The following MBNL1 variants were observed in gnomAD, a reference collection of about 807,000 sequenced individuals.
MBNL1 encodes the protein muscleblind-like protein 1.
A neutral mutation model predicts 42.2 loss-of-function variants in MBNL1; 8 were observed. That is an observed-to-expected ratio of 0.19 (90% confidence interval 0.11 to 0.34). MBNL1 has a LOEUF of 0.34. Among genes scored for constraint, MBNL1 ranks in the 10% least tolerant of loss-of-function variants. The probability of loss-of-function intolerance (pLI) is 1.00; values close to 1 mark genes in which losing one functional copy is unlikely to be tolerated. For synonymous variants in MBNL1, 169 were observed against 173.9 expected (o/e 0.97, Z 0.22); for missense variants, 309 against 495.3 (o/e 0.62, Z 3.57).
chr3:152,399,581 T>C (rs1037283906), intron 2 of MBNL1, among the ~76,000 whole-genome samples: 6 of 152,068 alleles, frequency 3.9e-5, no homozygotes, highest in Admixed American at 6.6e-5. Context: ...AGTGCAATCA[T>C]GACTCACTGC....
At chr3:152,353,581 A>T (rs530438369) in intron 2 of MBNL1, among the ~76,000 whole-genome samples, 2 of 152,196 alleles carry the variant, frequency 1.3e-5, no homozygotes, top group Non-Finnish European at 2.9e-5. Flanking sequence ...GGTAAATTCA[A>T]GTATAAAACA....
chr3:152,383,375 AG>A (rs2097265947), intron 2 of MBNL1, among the ~76,000 whole-genome samples: 1 of 152,098 alleles, frequency 6.6e-6, no homozygotes, highest in Non-Finnish European at 1.5e-5. Flanking sequence ...GTGAGTCTGT[AG>A]CATACAGAGG....
intron 6 of MBNL1, 60 bp downstream of exon 6, chr3:152,447,833 G>C (rs1305408186): frequency 3.3e-6 from 5 of 1,508,364 alleles, no homozygotes; most frequent in African/African-American, 1.4e-5. Context: ...CCTACTGTTA[G>C]AGCAGATAAA....
chr3:152,403,525 A>G (rs1484374101), intron 2 of MBNL1, among the ~76,000 whole-genome samples: 2 of 152,176 alleles, frequency 1.3e-5, no homozygotes, highest in Non-Finnish European at 2.9e-5. Context: ...CACATACTGT[A>G]TATGAAATGA....
intron 3 of MBNL1, among the ~76,000 whole-genome samples, chr3:152,423,121 A>G (rs1580153554): frequency 6.6e-6 from 1 of 152,208 alleles, no homozygotes; most frequent in Non-Finnish European, 1.5e-5. Context: ...ATAGAGATAC[A>G]AAAAACCCTT....
At chr3:152,350,679 A>T (rs918696076) in intron 2 of MBNL1, among the ~76,000 whole-genome samples, 1 of 152,070 alleles carries the variant, frequency 6.6e-6, no homozygotes, top group Non-Finnish European at 1.5e-5. Flanking sequence ...TGGAAGATTA[A>T]CCAAAAACTT....
chr3:152,326,044 T>C (rs1266583351), intron 2 of MBNL1, among the ~76,000 whole-genome samples: 1 of 152,178 alleles, frequency 6.6e-6, no homozygotes, highest in African/African-American at 2.4e-5. Context: ...ATGTCACTTA[T>C]ACTTCTTCAG....
At chr3:152,260,909 A>G (rs1437791077) in intron 2 of MBNL1, among the ~76,000 whole-genome samples, 1 of 152,126 alleles carries the variant, frequency 6.6e-6, no homozygotes, top group African/African-American at 2.4e-5. Flanking sequence ...TAACTCCCTC[A>G]TTTCTAGATG....
At chr3:152,429,810 G>A (rs200553390) in intron 3 of MBNL1, among the ~76,000 whole-genome samples, 1 of 152,040 alleles carries the variant, frequency 6.6e-6, no homozygotes, top group African/African-American at 2.4e-5. Context: ...GTGTGTGTGT[G>A]TGTCTGTCTG....
At chr3:152,418,029 C>T (rs1037018500) in intron 3 of MBNL1, among the ~76,000 whole-genome samples, 1 of 152,098 alleles carries the variant, frequency 6.6e-6, no homozygotes, top group African/African-American at 2.4e-5. Context: ...AGGAAGGTTT[C>T]CCATTTTTAT....
intron 2 of MBNL1, chr3:152,334,995 C>A: frequency 1.1e-6 from 1 of 909,924 alleles, no homozygotes; most frequent in Non-Finnish European, 1.5e-6. Context: ...GGCTAGCATC[C>A]TGCAAGGAGA....
At chr3:152,286,663 A>G (rs976747333) in intron 1 of MBNL1, among the ~76,000 whole-genome samples, 11 of 150,870 alleles carry the variant, frequency 7.3e-5, no homozygotes, top group Admixed American at 2.7e-4. Flanking sequence ...TGTTCTTATT[A>G]TAAGCAATAA....
intron 1 of MBNL1, among the ~76,000 whole-genome samples, chr3:152,285,336 T>A (rs1327529762): frequency 6.6e-6 from 1 of 152,194 alleles, no homozygotes; most frequent in Non-Finnish European, 1.5e-5. Context: ...ACATTTGAAA[T>A]CAGAAGAGCT....
At chr3:152,310,328 T>C (rs1038235268) in intron 2 of MBNL1, among the ~76,000 whole-genome samples, 2 of 152,178 alleles carry the variant, frequency 1.3e-5, no homozygotes, top group Non-Finnish European at 2.9e-5. Context: ...TTATATAAAC[T>C]AAAGAAGCTA....
At chr3:152,268,878 A>G (rs1342777159), upstream of MBNL1, 2 of 453,860 alleles carry the variant, frequency 4.4e-6, no homozygotes, top group Non-Finnish European at 4.4e-6. Context: ...GCCGCGCAGC[A>G]GCAGCGGAAG....
At chr3:152,423,072 G>A (rs932305774) in intron 3 of MBNL1, among the ~76,000 whole-genome samples, 2 of 152,152 alleles carry the variant, frequency 1.3e-5, no homozygotes, top group African/African-American at 2.4e-5. Flanking sequence ...TCAAAAGCTA[G>A]CAGAAGATAA....
chr3:152,448,925 T>A (rs1161717329), intron 6 of MBNL1, among the ~76,000 whole-genome samples: 1 of 152,206 alleles, frequency 6.6e-6, no homozygotes, highest in Non-Finnish European at 1.5e-5. Flanking sequence ...TAAAATGATA[T>A]TTGTACTTGT....
chr3:152,270,944 A>C (rs1397186983), intron 1 of MBNL1, among the ~76,000 whole-genome samples: 7 of 152,076 alleles, frequency 4.6e-5, no homozygotes, highest in Admixed American at 4.6e-4. Context: ...GCAACAGAAA[A>C]CCTGTTCATC....
intron 2 of MBNL1, among the ~76,000 whole-genome samples, chr3:152,317,480 G>C (rs140372781): frequency 6.6e-6 from 1 of 151,776 alleles, no homozygotes; most frequent in African/African-American, 2.4e-5. Context: ...CCACCATGCC[G>C]GGCTAATTTT....
Sources: allele counts gnomAD v4.1 joint callset (sites outside exome capture counted in the v4.1 genomes callset), GRCh38; gene constraint gnomAD v4.1.1; transcripts MANE v1.5; gene names NCBI Gene and HGNC (gene_info 2026-07-23, HGNC 2026-07-21).